Variants in COMMD10 observed in about 807,000 individuals in gnomAD.
The protein encoded by COMMD10 is COMM domain-containing protein 10.
In COMMD10, 33 loss-of-function variants were observed where a neutral mutation model predicts 28.9. The ratio of observed to expected loss-of-function variants is 1.14; its 90% confidence interval spans 0.87 to 1.53. COMMD10 has a LOEUF of 1.53. Among genes scored for constraint, COMMD10 ranks in the 40% most tolerant of loss-of-function variants. The pLI is 0.00. For missense variants in COMMD10, 310 were observed against 233.4 expected (o/e 1.33, Z -2.14); for synonymous variants, 110 against 81.7 (o/e 1.35, Z -1.87).
At chr5:116,130,379 C>G (rs1169757913) in intron 4 of COMMD10, among the ~76,000 whole-genome samples, 1 of 151,908 alleles carries the variant, frequency 6.6e-6, no homozygotes, top group Admixed American at 6.6e-5. Flanking sequence ...AGTAGTGACA[C>G]AGTTCACTTA....
intron 5 of COMMD10, among the ~76,000 whole-genome samples, chr5:116,154,523 T>G (rs1324130086): frequency 2.6e-5 from 4 of 152,150 alleles, no homozygotes; most frequent in African/African-American, 7.2e-5. Flanking sequence ...TCATTTTCAG[T>G]ACTCCTTTTG....
intron 5 of COMMD10, among the ~76,000 whole-genome samples, chr5:116,230,917 C>T (rs938038601): frequency 6.6e-6 from 1 of 152,062 alleles, no homozygotes; most frequent in Non-Finnish European, 1.5e-5. Flanking sequence ...TACTGTCTTC[C>T]TCCTGGCTTT....
chr5:116,164,182 A>G (rs1753016152), intron 5 of COMMD10, among the ~76,000 whole-genome samples: 1 of 152,050 alleles, frequency 6.6e-6, no homozygotes, highest in Non-Finnish European at 1.5e-5. Flanking sequence ...TTAGCTGGGT[A>G]TGGTGGCGCA....
chr5:116,245,668 C>A (rs1749930058), intron 5 of COMMD10, among the ~76,000 whole-genome samples: 3 of 152,070 alleles, frequency 2.0e-5, no homozygotes, highest in Admixed American at 1.3e-4. Context: ...TATCCCTGGG[C>A]TGCAAGGTCG....
Position 116,289,891 on chromosome 5 carries a change from A to G in COMMD10, c.511-1626A>G, listed in dbSNP as rs370768398. Among the ~76,000 whole-genome samples the G allele has an allele frequency of 8.6e-5, 13 of 151,934 alleles. 1 individual carries two copies. Among genetic ancestry groups the G allele is most frequent in the Admixed American group, 7.2e-4 (11 of 15,242 alleles). On this transcript the variant is annotated intron_variant, in intron 5 of 6. Coordinates refer to ENST00000274458, the MANE Select transcript of COMMD10 (RefSeq NM_016144.4). The stretch of plus-strand genomic sequence containing the variant: ...AACTTGGTACCTTAGTGGTGGAAAG[A>G]GGGCCTCTAGCTTTCTAGTCTACCC...
At chr5:116,129,126 T>A (rs1347288417) in intron 4 of COMMD10, among the ~76,000 whole-genome samples, 2 of 151,812 alleles carry the variant, frequency 1.3e-5, no homozygotes, top group Non-Finnish European at 2.9e-5. Context: ...CTTACTTGAT[T>A]GAACTTCTTG....
intron 4 of COMMD10, among the ~76,000 whole-genome samples, chr5:116,104,611 T>C (rs1487806635): frequency 6.6e-6 from 1 of 152,082 alleles, no homozygotes; most frequent in African/African-American, 2.4e-5. Context: ...TTTGACTTCC[T>C]CTTTTCTTTT....
chr5:116,258,912 C>T (rs916237368), intron 5 of COMMD10, among the ~76,000 whole-genome samples: 10 of 151,420 alleles, frequency 6.6e-5, no homozygotes, highest in East Asian at 5.8e-4. Context: ...TACTCAGTTC[C>T]GTTTTATTCT....
At chr5:116,204,996 A>G (rs921158790) in intron 5 of COMMD10, among the ~76,000 whole-genome samples, 1 of 152,124 alleles carries the variant, frequency 6.6e-6, no homozygotes, top group African/African-American at 2.4e-5. Context: ...AAGGTGCATG[A>G]TAAAACTTGC....
At chr5:116,119,452 T>C (rs759165185) in intron 4 of COMMD10, among the ~76,000 whole-genome samples, 4 of 152,238 alleles carry the variant, frequency 2.6e-5, no homozygotes, top group Non-Finnish European at 2.9e-5. Context: ...TGAGGTCTTC[T>C]GGAGGCTGCC....
At chr5:116,115,444 A>T (rs567441908) in intron 4 of COMMD10, among the ~76,000 whole-genome samples, 2 of 152,296 alleles carry the variant, frequency 1.3e-5, no homozygotes, top group East Asian at 1.9e-4. Flanking sequence ...CACTTACATT[A>T]TAAGTGTGAC....
At chr5:116,127,350 T>C (rs1003277978) in intron 4 of COMMD10, among the ~76,000 whole-genome samples, 2 of 152,176 alleles carry the variant, frequency 1.3e-5, no homozygotes, top group Non-Finnish European at 2.9e-5. Flanking sequence ...AGTTCAACCA[T>C]CGTGGAAGAC....
chr5:116,171,743 C>G (rs1184336831), intron 5 of COMMD10, among the ~76,000 whole-genome samples: 3 of 152,126 alleles, frequency 2.0e-5, no homozygotes, highest in African/African-American at 7.2e-5. Context: ...AAACCAAAGA[C>G]TGCATGCTCT....
chr5:116,286,813 C>G (rs1751231000), intron 5 of COMMD10, among the ~76,000 whole-genome samples: 1 of 151,730 alleles, frequency 6.6e-6, no homozygotes, highest in African/African-American at 2.4e-5. Context: ...CATGGGTACT[C>G]AACAATACAT....
At chr5:116,259,411 A>T (rs1432570287) in intron 5 of COMMD10, among the ~76,000 whole-genome samples, 1 of 151,380 alleles carries the variant, frequency 6.6e-6, no homozygotes, top group Non-Finnish European at 1.5e-5. Context: ...ATCTTTTCAA[A>T]TCTCACTGAG....
At chr5:116,154,383 A>G (rs1329056806) in intron 5 of COMMD10, among the ~76,000 whole-genome samples, 3 of 152,136 alleles carry the variant, frequency 2.0e-5, no homozygotes, top group African/African-American at 7.2e-5. Context: ...AAGTTATAGC[A>G]TAAAAGTTAC....
At chr5:116,120,154 A>G (rs1003973913) in intron 4 of COMMD10, among the ~76,000 whole-genome samples, 3 of 152,150 alleles carry the variant, frequency 2.0e-5, no homozygotes, top group Non-Finnish European at 2.9e-5. Context: ...TATATACACT[A>G]TGGAGTACTA....
At chr5:116,155,842 A>G (rs960878132) in intron 5 of COMMD10, among the ~76,000 whole-genome samples, 8 of 152,114 alleles carry the variant, frequency 5.3e-5, no homozygotes, top group Non-Finnish European at 8.8e-5. Flanking sequence ...AGCATTAATT[A>G]TCTATTAATT....
intron 4 of COMMD10, among the ~76,000 whole-genome samples, chr5:116,122,962 C>T (rs1464576358): frequency 6.9e-6 from 1 of 145,838 alleles, no homozygotes; most frequent in Non-Finnish European, 1.6e-5. Flanking sequence ...AACTGAATAC[C>T]CTTTATTTCT....
Sources: allele counts gnomAD v4.1 joint callset (sites outside exome capture counted in the v4.1 genomes callset), GRCh38; gene constraint gnomAD v4.1.1; transcripts MANE v1.5; gene names NCBI Gene and HGNC (gene_info 2026-07-23, HGNC 2026-07-21).